CHST9: variants seen among roughly 807,000 people sequenced by gnomAD.
The protein encoded by CHST9 is carbohydrate sulfotransferase 9.
CHST9 carries 41 observed loss-of-function variants against 44.4 expected under a neutral mutation model. The ratio of observed to expected loss-of-function variants is 0.92; its 90% confidence interval spans 0.72 to 1.20. CHST9 has a LOEUF of 1.20. Ranked by LOEUF, CHST9 falls within the 50% of genes most tolerant of loss-of-function variation. CHST9 has a pLI of 0.00. For synonymous variants in CHST9, 171 were observed against 178.4 expected (o/e 0.96, Z 0.33); for missense variants, 504 against 516.5 (o/e 0.98, Z 0.23).
At chr18:27,070,395 C>A (rs1447266185) in intron 2 of CHST9, among the ~76,000 whole-genome samples, 1 of 152,150 alleles carries the variant, frequency 6.6e-6, no homozygotes, top group African/African-American at 2.4e-5. Context: ...TAAGGCTTAT[C>A]TCTATATCTG....
intron 4 of CHST9, among the ~76,000 whole-genome samples, chr18:26,970,977 CCTCAAGGCCCAG>C (rs1269596764): frequency 6.6e-6 from 1 of 152,166 alleles, no homozygotes; most frequent in Non-Finnish European, 1.5e-5. Context: ...TTGTCTATGT[CCTCAAGGCCCAG>C]CTCAGGTAGC....
In CHST9 at chr18:26,913,319, C is replaced by A. The variant is rs985149590; in HGVS notation, c.*2940G>T. On this transcript the variant is annotated 3_prime_UTR_variant, in exon 6 of 6. Transcript: ENST00000618847. ...CTGTTACAGAATGTTTTATAGACATCTAGCAAGTGGCATCACATTTCCATT... is the reference window on the plus strand; with the variant it reads ...CTGTTACAGAATGTTTTATAGACATATAGCAAGTGGCATCACATTTCCATT... 4 of 152,150 alleles carry A rather than the reference C, an allele frequency of 2.6e-5. No individual in the cohort carries two copies. The highest frequency in any genetic ancestry group is 9.7e-5 in the African/African-American group (4 of 41,432). 9.4% of individuals were successfully genotyped at this position (152,150 alleles called of 1,614,324 possible).
intron 4 of CHST9, among the ~76,000 whole-genome samples, chr18:27,015,660 T>C (rs1657327): frequency 0.65 from 98,168 of 151,776 alleles, 32,206 homozygotes; most frequent in African/African-American, 0.75. Flanking sequence ...TGTAGGGGCT[T>C]CTATACTCCA....
chr18:27,142,819 T>C lies in CHST9; in HGVS notation c.-10A>G, dbSNP rs768561775. 1 of 1,598,116 alleles carries C rather than the reference T, an allele frequency of 6.3e-7. No homozygotes were observed. The highest frequency in any genetic ancestry group is 1.3e-5 in the African/African-American group (1 of 74,368). ...TTTCAGATGGCTGCATTTCTCCTTA[T>C]TTCAGAATCTGAAGACCACATGATT... On this transcript the variant is annotated 5_prime_UTR_variant, in exon 2 of 6. Transcript: ENST00000618847.
At chr18:27,161,190 T>C (rs950647828) in intron 1 of CHST9, among the ~76,000 whole-genome samples, 2 of 152,228 alleles carry the variant, frequency 1.3e-5, no homozygotes, top group African/African-American at 2.4e-5. Flanking sequence ...CTAGTTCTTT[T>C]AATTGTGATG....
intron 4 of CHST9, among the ~76,000 whole-genome samples, chr18:26,959,801 C>T (rs2056376150): frequency 6.6e-6 from 1 of 152,028 alleles, no homozygotes; most frequent in African/African-American, 2.4e-5. Context: ...TTGAGGGAGT[C>T]CTTGAATAAT....
intron 1 of CHST9, among the ~76,000 whole-genome samples, chr18:27,157,080 A>C (rs1248954710): frequency 6.6e-6 from 1 of 152,102 alleles, no homozygotes. Context: ...TCATCACATA[A>C]CAATAAAATC....
chr18:27,093,822 G>A (rs1490484541), intron 2 of CHST9, among the ~76,000 whole-genome samples: 4 of 151,790 alleles, frequency 2.6e-5, no homozygotes, highest in African/African-American at 4.8e-5. Flanking sequence ...CCCATCTTCT[G>A]TGTCAATCAC....
intron 2 of CHST9, among the ~76,000 whole-genome samples, chr18:27,102,732 C>T (rs937292785): frequency 5.9e-5 from 9 of 152,202 alleles, no homozygotes; most frequent in African/African-American, 2.2e-4. Context: ...TTCTCCCTCA[C>T]AGGCAGGTTC....
intron 2 of CHST9, among the ~76,000 whole-genome samples, chr18:27,059,691 A>T (rs769366710): frequency 2.0e-5 from 3 of 152,148 alleles, no homozygotes; most frequent in Admixed American, 1.3e-4. Context: ...TCATCATCTC[A>T]TTAGCTTGTG....
chr18:26,944,532 GA>G (rs1456171133), intron 4 of CHST9, among the ~76,000 whole-genome samples, 166 bp from the exon 5 acceptor site: 2 of 151,932 alleles, frequency 1.3e-5, no homozygotes, highest in Non-Finnish European at 2.9e-5. Flanking sequence ...AATAACTGGG[GA>G]AAAAAAGCCA....
At chr18:27,147,013 C>G (rs985063158) in intron 1 of CHST9, among the ~76,000 whole-genome samples, 15 of 152,136 alleles carry the variant, frequency 9.9e-5, no homozygotes, top group Non-Finnish European at 1.9e-4. Context: ...TTGCTGAAGA[C>G]AATTCACATA....
intron 2 of CHST9, among the ~76,000 whole-genome samples, chr18:27,088,147 T>C (rs548201430): frequency 1.6e-4 from 24 of 152,182 alleles, no homozygotes; most frequent in African/African-American, 5.8e-4. Flanking sequence ...ATACTCTGCA[T>C]ATAGTTTTGG....
At chr18:27,117,944 AT>A (rs1159486722) in intron 2 of CHST9, among the ~76,000 whole-genome samples, 1 of 152,236 alleles carries the variant, frequency 6.6e-6, no homozygotes, top group Non-Finnish European at 1.5e-5. Flanking sequence ...TAAAAAAAGT[AT>A]GTTTAGTTTT....
intron 4 of CHST9, among the ~76,000 whole-genome samples, chr18:26,965,862 T>C (rs1025174279): frequency 5.9e-5 from 9 of 151,944 alleles, no homozygotes; most frequent in African/African-American, 1.5e-4. Context: ...GAAGAAAACA[T>C]CTCATAGGAG....
chr18:26,968,905 G>A (rs1356259931), intron 4 of CHST9, among the ~76,000 whole-genome samples: 1 of 151,906 alleles, frequency 6.6e-6, no homozygotes, highest in Non-Finnish European at 1.5e-5. Context: ...TTCTTCTACT[G>A]ATTACCACTT....
In CHST9 at chr18:26,916,772, G is replaced by T; in HGVS notation, c.819C>A (p.Tyr273Ter). ...GATCACGAACAAACACAGCTTTGGT[G>T]TAAGTATTTAAGCGGGTATATATCC... ...LKGIYTRLNT[Y>*]TKAVFVRDPM... is the part of the protein sequence containing the mutation. Residue 273 changes from tyrosine to a stop codon, truncating the protein, a stop_gained, in exon 6 of 6, where the codon TAC (tyrosine) becomes TAA (stop). Transcript: ENST00000618847. LOFTEE classifies it high-confidence loss of function. The T allele has an allele frequency of 6.2e-7, 1 of 1,613,868 alleles. No individual in the cohort carries two copies. Among genetic ancestry groups the T allele is most frequent in the South Asian group, 1.1e-5 (1 of 91,072 alleles).
intron 2 of CHST9, among the ~76,000 whole-genome samples, chr18:27,087,938 T>C (rs1178034135): frequency 6.6e-6 from 1 of 152,162 alleles, no homozygotes; most frequent in Admixed American, 6.5e-5. Flanking sequence ...TCCAAGAAGA[T>C]CATGTTAAAA....
chr18:26,938,379 C>T (rs574250064), intron 5 of CHST9, among the ~76,000 whole-genome samples: 1 of 152,102 alleles, frequency 6.6e-6, no homozygotes, highest in Non-Finnish European at 1.5e-5. Flanking sequence ...GAAAAAGACT[C>T]GTAAATTGGA....
Sources: gnomAD v4.1 joint callset for allele counts (sites outside exome capture counted in the v4.1 genomes callset) on GRCh38, gnomAD v4.1.1 for gene constraint, MANE v1.5 for transcripts, NCBI Gene and HGNC (gene_info 2026-07-23, HGNC 2026-07-21) for gene names.